Variants in CIITA observed in about 807,000 individuals in gnomAD.
The protein encoded by CIITA is class II major histocompatibility complex transactivator.
A neutral mutation model predicts 115.1 loss-of-function variants in CIITA; 72 were observed. The ratio of observed to expected loss-of-function variants is 0.63; its 90% confidence interval spans 0.52 to 0.76. The LOEUF (loss-of-function observed/expected upper bound fraction) is 0.76, where lower values mean the gene tolerates loss of function less well. CIITA is among the 30% of genes least tolerant of loss of function. The pLI is 0.00. For synonymous variants in CIITA, 763 were observed against 635.6 expected, an observed-to-expected ratio of 1.20 and a Z score of -3.02; for missense variants, 1,617 against 1,463.8, an observed-to-expected ratio of 1.10 and a Z score of -1.71.
At chr16:10,906,460 TCA>T (rs767281522) in intron 10 of CIITA, 37 bp from the exon 11 acceptor site, 1 of 1,609,000 alleles carries the variant, frequency 6.2e-7, no homozygotes, top group Admixed American at 1.7e-5. Context: ...GCCCTGCCTC[TCA>T]CATACCCCCA....
At chr16:10,915,989 G>A (rs76302338) in intron 14 of CIITA, among the ~76,000 whole-genome samples, 4 of 152,202 alleles carry the variant, frequency 2.6e-5, no homozygotes, top group Non-Finnish European at 5.9e-5. Context: ...AGATCCTTTC[G>A]TGACCTTTGA....
At chr16:10,873,655 C>T (rs986766868), upstream of CIITA, among the ~76,000 whole-genome samples, 6 of 152,076 alleles carry the variant, frequency 3.9e-5, no homozygotes, top group South Asian at 2.1e-4. Flanking sequence ...CAGCAAGGAC[C>T]GGCAATTTTT....
At chr16:10,916,261 G>T in intron 14 of CIITA, 106 bp from the exon 15 acceptor site, 2 of 974,580 alleles carry the variant, frequency 2.1e-6, no homozygotes, top group Non-Finnish European at 3.2e-6. Flanking sequence ...TAGAGCTGGG[G>T]GGTGGGAAGG....
In CIITA at chr16:10,902,030, C is replaced by G. The variant is rs755679413; in HGVS notation, c.482-8C>G. The G allele has an allele frequency of 1.9e-6, 3 of 1,613,880 alleles. No individual in the cohort carries two copies. In the African/African-American group the frequency reaches 4.0e-5, roughly 22 times the overall value. On this transcript the variant is annotated splice_polypyrimidine_tract_variant and splice_region_variant and intron_variant, in intron 6 of 19. Coordinates refer to ENST00000324288, the MANE Select transcript of CIITA (RefSeq NM_000246.4). ...ACCCAGTCTCTAACACAGCCCACTT[C>G]CTCACAGCTGAGCCCCCCACTGTGG...
rs2039468699 is a variant in CIITA at position 10,910,257 on chromosome 16, T to C, written c.2886T>C (p.Phe962=). Residue 962 remains phenylalanine, a splice_region_variant and synonymous_variant, in exon 13 of 20, where the codon TTT becomes TTC. Transcript: ENST00000324288. The stretch of plus-strand genomic sequence containing the variant: ...TTCGGGACCTAAAGAAACTGGAGTT[T>C]GCGTAAGCAAAGGGGTGGATTGTCT... ...PAVRDLKKLE[F]ALGPVSGPQA... is the part of the protein sequence containing the mutation. The C allele has an allele frequency of 1.2e-6, 2 of 1,613,788 alleles. No individual in the cohort carries two copies. The highest frequency in any genetic ancestry group is 1.7e-6 in the Non-Finnish European group (2 of 1,179,886).
Position 10,933,471 on chromosome 16 carries a change from AT to A in CIITA, c.*9618del, listed in dbSNP as rs2040886287. The A allele has an allele frequency of 6.6e-6, 1 of 152,224 alleles. No individual in the cohort carries two copies. The highest frequency in any genetic ancestry group is 2.4e-5 in the African/African-American group (1 of 41,428). 9.4% of individuals were successfully genotyped at this position (152,224 alleles called of 1,614,324 possible). On this transcript the variant is annotated 3_prime_UTR_variant, in exon 20 of 20. Transcript: ENST00000324288. Reference sequence around the variant, plus strand: ...ATCTGCATTTAGCCTGTCTGTGCTGATTGTGGTTCTGCCCCTTCCTGGCTGT... The same window carrying A: ...ATCTGCATTTAGCCTGTCTGTGCTGATGTGGTTCTGCCCCTTCCTGGCTGT...
intron 1 of CIITA, among the ~76,000 whole-genome samples, chr16:10,889,449 C>G (rs1305575281): frequency 6.6e-6 from 1 of 152,114 alleles, no homozygotes; most frequent in Admixed American, 6.6e-5. Flanking sequence ...AGGCTTCCCA[C>G]ATAGCTGGCA....
chr16:10,908,321 C>A, intron 11 of CIITA, 172 bp downstream of exon 11: 1 of 805,454 alleles, frequency 1.2e-6, no homozygotes, highest in Non-Finnish European at 2.1e-6. Context: ...AGAGGGGCAG[C>A]CACTTGCCAC....
In CIITA at chr16:10,903,756, A is replaced by G. The variant is rs1596538389; in HGVS notation, c.798A>G (p.Val266=). Residue 266 remains valine, a synonymous_variant, in exon 9 of 20, where the codon GTA becomes GTG. Coordinates refer to ENST00000324288, the MANE Select transcript of CIITA (RefSeq NM_000246.4). ...YHGEVPQASQ[V]PPPSGFTVHG... is the part of the protein sequence containing the mutation. The stretch of plus-strand genomic sequence containing the variant: ...GTGAGGTGCCCCAGGCCAGCCAAGT[A>G]CCCCCTCCCAGTGGATTCACTGTCC... The G allele has an allele frequency of 6.8e-6, 11 of 1,613,652 alleles. No individual in the cohort carries two copies. The highest frequency in any genetic ancestry group is 9.3e-6 in the Non-Finnish European group (11 of 1,179,928).
intron 1 of CIITA, among the ~76,000 whole-genome samples, chr16:10,868,995 G>C (rs914592337): frequency 6.6e-6 from 1 of 152,226 alleles, no homozygotes; most frequent in Admixed American, 6.5e-5. Flanking sequence ...GCTCTCAGAG[G>C]GGAAGAAAGA....
intron 1 of CIITA, among the ~76,000 whole-genome samples, chr16:10,883,211 C>A (rs989064255): frequency 2.0e-5 from 3 of 152,198 alleles, no homozygotes; most frequent in Admixed American, 2.0e-4. Flanking sequence ...CATCACTCCA[C>A]CCCCTACCCC....
intron 16 of CIITA, 96 bp from the exon 17 acceptor site, chr16:10,922,071 G>A (rs2040300668): frequency 1.8e-6 from 2 of 1,102,892 alleles, no homozygotes; most frequent in Admixed American, 1.7e-5. Context: ...AGGGATAGTG[G>A]GACCAGGCTT....
intron 2 of CIITA, 53 bp from the exon 3 acceptor site, chr16:10,895,616 C>A (rs1459171781): frequency 1.2e-6 from 2 of 1,607,500 alleles, no homozygotes; most frequent in Admixed American, 3.3e-5. Flanking sequence ...TCGTTCCCCA[C>A]CAGCCCTCTT....
In CIITA at chr16:10,907,773, C is replaced by A. The variant is rs1471839833; in HGVS notation, c.2281C>A (p.Leu761Met). 3 of 1,614,224 alleles carry A rather than the reference C, an allele frequency of 1.9e-6. No individual in the cohort carries two copies. The highest frequency in any genetic ancestry group is 2.5e-6 in the Non-Finnish European group (3 of 1,180,034). ...GGGCGTGCCACGCTTTCTGGCTGGG[C>A]TGATCTTCCAGCCTCCCGCCCGCTG... Reference protein sequence around the residue: ...LEGVPRFLAGLIFQPPARCLG... With the variant: ...LEGVPRFLAGMIFQPPARCLG... Residue 761 changes from leucine (L) to methionine (M), a missense_variant, in exon 11 of 20, where the codon CTG (leucine) becomes ATG (methionine). Transcript: ENST00000324288. The surrounding 1 kb of genome is among the most constrained non-coding windows in gnomAD (Gnocchi z 5.0).
In CIITA at chr16:10,920,800, G is replaced by T. The variant is rs1315586245; in HGVS notation, c.3150-1367G>T. ...AAACCCCCATCTAGTTTCTGCACTGGTACCGGCCGACCCGTGATGTGAGTT... is the reference window on the plus strand; with the variant it reads ...AAACCCCCATCTAGTTTCTGCACTGTTACCGGCCGACCCGTGATGTGAGTT... On this transcript the variant is annotated intron_variant, in intron 16 of 19. Coordinates refer to ENST00000324288, the MANE Select transcript of CIITA (RefSeq NM_000246.4). The surrounding 1 kb of genome is among the most constrained non-coding windows in gnomAD (Gnocchi z 4.5). Among the ~76,000 whole-genome samples the T allele has an allele frequency of 2.0e-5, 3 of 152,198 alleles. No individual in the cohort carries two copies. Among genetic ancestry groups the T allele is most frequent in the Non-Finnish European group, 4.4e-5 (3 of 68,030 alleles).
rs1232042445 is a variant in CIITA, at chr16:10,936,123, T to A, written c.*12268T>A. The A allele has an allele frequency of 6.6e-6, 1 of 152,084 alleles. No individual in the cohort carries two copies. Among genetic ancestry groups the A allele is most frequent in the Non-Finnish European group, 1.5e-5 (1 of 68,020 alleles). 9.4% of individuals were successfully genotyped at this position (152,084 alleles called of 1,614,324 possible). A position where few individuals can be genotyped will look rare whatever the true frequency, so the allele number is the denominator to read the frequency against. On this transcript the variant is annotated 3_prime_UTR_variant, in exon 20 of 20. Transcript: ENST00000324288. The stretch of plus-strand genomic sequence containing the variant: ...CTCCTGCCTGAGCCTTCCGAGTAAC[T>A]GGGACTATGGGCGTGTACCACAACA...
chr16:10,888,966 T>C (rs2037245946), intron 1 of CIITA, among the ~76,000 whole-genome samples: 1 of 152,244 alleles, frequency 6.6e-6, no homozygotes. Context: ...AGCTGATGTG[T>C]AAGTTAGACC....
At chr16:10,883,849 T>C (rs1307822757) in intron 1 of CIITA, among the ~76,000 whole-genome samples, 4 of 152,168 alleles carry the variant, frequency 2.6e-5, no homozygotes, top group African/African-American at 9.7e-5. Context: ...GCCAATCCCA[T>C]AGGGAGCACT....
chr16:10,922,115 G>T, intron 16 of CIITA, 52 bp from the exon 17 acceptor site: 1 of 1,523,006 alleles, frequency 6.6e-7, no homozygotes, highest in Admixed American at 1.7e-5. Context: ...CTTCTGGAAG[G>T]CTGACCATGC....
Sources: gnomAD v4.1 joint callset for allele counts (sites outside exome capture counted in the v4.1 genomes callset) on GRCh38, gnomAD v4.1.1 for gene constraint, Gnocchi (gnomAD v3.1) non-coding constraint, MANE v1.5 for transcripts, NCBI Gene and HGNC (gene_info 2026-07-23, HGNC 2026-07-21) for gene names.